The following ANO10 variants were observed in gnomAD, a reference collection of about 807,000 sequenced individuals.
The protein encoded by ANO10 is anoctamin 10.
A neutral mutation model predicts 74.7 loss-of-function variants in ANO10; 77 were observed. The observed-to-expected ratio is 1.03, with a 90% confidence interval of 0.86 to 1.25. The LOEUF is 1.25. Among genes scored for constraint, ANO10 ranks in the 50% most tolerant of loss-of-function variants. ANO10 has a pLI of 0.00. For synonymous variants in ANO10, 279 were observed against 284.9 expected (o/e 0.98, Z 0.21); for missense variants, 721 against 778.1 (o/e 0.93, Z 0.87).
intron 12 of ANO10, among the ~76,000 whole-genome samples, chr3:43,385,737 T>C (rs191718647): frequency 5.6e-4 from 71 of 126,004 alleles, no homozygotes; most frequent in Middle Eastern, 4.3e-3. Context: ...AAGAATGACT[T>C]TGGGGACATG....
In ANO10 at chr3:43,561,288, A is replaced by G. The variant is rs150550387; in HGVS notation, c.1408T>C (p.Leu470=). Residue 470 remains leucine, a synonymous_variant, in exon 9 of 13, where the codon TTA becomes CTA. Transcript: ENST00000292246. ...GVRVKRKVQA[L]KADIDATLYE... ...AATGTAGCATCAATGTCTGCCTTTA[A>G]AGCCTGCACCTTCCTCTTCACCCGC... 8.7e-6 allele frequency: 14 copies of G among 1,614,196 alleles called. No individual in the cohort carries two copies. The African/African-American group carries it at 1.7e-4, about 20-fold the overall frequency.
At chr3:43,513,684 G>C (rs1157205001) in intron 11 of ANO10, among the ~76,000 whole-genome samples, 1 of 152,026 alleles carries the variant, frequency 6.6e-6, no homozygotes, top group African/African-American at 2.4e-5. Flanking sequence ...CTAATTTTTT[G>C]TATTTTTAGC....
At chr3:43,375,222 G>T (rs1270112252) in intron 12 of ANO10, among the ~76,000 whole-genome samples, 1 of 151,972 alleles carries the variant, frequency 6.6e-6, no homozygotes. Flanking sequence ...AAGGCAGGTG[G>T]ATCACCTGAG....
intron 12 of ANO10, among the ~76,000 whole-genome samples, chr3:43,383,445 C>A (rs1249166111): frequency 7.4e-6 from 1 of 135,098 alleles, no homozygotes; most frequent in African/African-American, 2.9e-5. Context: ...CAGAGCGAGA[C>A]TCTGTCTCAA....
intron 8 of ANO10, among the ~76,000 whole-genome samples, chr3:43,563,175 T>C (rs2080131510): frequency 6.6e-6 from 1 of 152,100 alleles, no homozygotes; most frequent in African/African-American, 2.4e-5. Context: ...TAGACATTTC[T>C]CTAAAGAAGA....
chr3:43,377,771 C>T (rs566584855), intron 12 of ANO10, among the ~76,000 whole-genome samples: 3 of 152,196 alleles, frequency 2.0e-5, no homozygotes, highest in Non-Finnish European at 4.4e-5. Flanking sequence ...TCAGTGAAAG[C>T]CATGGCTAGG....
chr3:43,610,763 A>G (rs1019691791), intron 1 of ANO10, among the ~76,000 whole-genome samples: 1 of 152,140 alleles, frequency 6.6e-6, no homozygotes, highest in African/African-American at 2.4e-5. Flanking sequence ...ACTTCAATGA[A>G]CTCTAGAAGT....
At chr3:43,368,129 A>C (rs1210044459) in intron 12 of ANO10, among the ~76,000 whole-genome samples, 1 of 152,222 alleles carries the variant, frequency 6.6e-6, no homozygotes, top group East Asian at 1.9e-4. Context: ...TGTCTCCCAC[A>C]GGGCGGCTCA....
At chr3:43,455,246 G>T (rs987427338) in intron 11 of ANO10, among the ~76,000 whole-genome samples, 14 of 152,132 alleles carry the variant, frequency 9.2e-5, no homozygotes, top group African/African-American at 3.1e-4. Flanking sequence ...TCATGTGGAA[G>T]GGCAGGAGAG....
chr3:43,556,870 A>C (rs1460605113), intron 9 of ANO10, among the ~76,000 whole-genome samples: 1 of 152,202 alleles, frequency 6.6e-6, no homozygotes, highest in Non-Finnish European at 1.5e-5. Flanking sequence ...AGCCTAGTAG[A>C]TAATAAAAAG....
In ANO10 at chr3:43,676,450, C is replaced by A. The variant is rs192223503; in HGVS notation, c.-12+15067G>T. On this transcript the variant is annotated intron_variant, in intron 1 of 3. Coordinates refer to the ANO10 transcript ENST00000413397. ...TCCAGCCTGGGAGACAGAGTGAGAC[C>A]CTGTCTCAAAAAAAAAATGTTTTTA... is the stretch of plus-strand genomic sequence containing the variant. 2.7e-3 allele frequency among the ~76,000 whole-genome samples: 416 copies of A among 151,932 alleles called. 1 individual carries two copies. Among genetic ancestry groups the A allele is most frequent in the South Asian group, 8.5e-3 (41 of 4,812 alleles).
chr3:43,537,611 C>CCACACACACACACACACA (rs3223349), intron 11 of ANO10, among the ~76,000 whole-genome samples: 2 of 140,058 alleles, frequency 1.4e-5, no homozygotes, highest in African/African-American at 2.7e-5. Flanking sequence ...ACTTTATAAA[C>CCACACACACACACACACA]CACACACACA....
chr3:43,561,480 TTAAAC>T, intron 8 of ANO10, 78 bp from the exon 9 acceptor site: 1 of 1,259,308 alleles, frequency 7.9e-7, no homozygotes. Context: ...TATATATAAA[TTAAAC>T]TACAGTATTT....
chr3:43,526,486 G>A (rs1033449313), intron 11 of ANO10, among the ~76,000 whole-genome samples: 6 of 152,148 alleles, frequency 3.9e-5, no homozygotes, highest in Non-Finnish European at 8.8e-5. Flanking sequence ...CCAGAGTTGG[G>A]AAACAATTTC....
At chr3:43,691,195 C>T in intron 1 of ANO10, 1 of 651,700 alleles carries the variant, frequency 1.5e-6, no homozygotes, top group Non-Finnish European at 2.2e-6. Flanking sequence ...GCGCGGCGCC[C>T]AGAGGCGTCC....
chr3:43,517,255 T>C (rs1284884432), intron 11 of ANO10, among the ~76,000 whole-genome samples: 4 of 152,216 alleles, frequency 2.6e-5, no homozygotes, highest in Non-Finnish European at 5.9e-5. Context: ...AAGCAAATTT[T>C]TTCTAGTTTT....
chr3:43,495,079 T>A (rs1559612659), intron 11 of ANO10, among the ~76,000 whole-genome samples: 1 of 151,372 alleles, frequency 6.6e-6, no homozygotes, highest in Non-Finnish European at 1.5e-5. Context: ...GACAAAAAGG[T>A]CAGTGAAATA....
At chr3:43,465,688 GTCATATATATGGT>G (rs1187795756) in intron 11 of ANO10, among the ~76,000 whole-genome samples, 1 of 152,110 alleles carries the variant, frequency 6.6e-6, no homozygotes, top group African/African-American at 2.4e-5. Flanking sequence ...TGAGACCACT[GTCATATATATGGT>G]TCATTACTGA....
chr3:43,549,481 A>G (rs1401065826), intron 11 of ANO10, among the ~76,000 whole-genome samples: 1 of 152,184 alleles, frequency 6.6e-6, no homozygotes, highest in Non-Finnish European at 1.5e-5. Context: ...GCAGGCCAGC[A>G]TAATAGTGGA....
Sources: allele counts gnomAD v4.1 joint callset (sites outside exome capture counted in the v4.1 genomes callset), GRCh38; gene constraint gnomAD v4.1.1; transcripts MANE v1.5; gene names NCBI Gene and HGNC (gene_info 2026-07-23, HGNC 2026-07-21).